FILIP1L: variants seen among roughly 807,000 people sequenced by gnomAD.
The protein encoded by FILIP1L is filamin A-interacting protein 1-like.
In FILIP1L, 55 loss-of-function variants were observed where a neutral mutation model predicts 96.6. The ratio of observed to expected loss-of-function variants is 0.57; its 90% CI spans 0.46 to 0.71. FILIP1L has a LOEUF of 0.71. FILIP1L is among the 30% of genes least tolerant of loss of function. The pLI is 0.00. For synonymous variants in FILIP1L, 467 were observed against 473.9 expected, an observed-to-expected ratio of 0.99 and a Z score of 0.19; for missense variants, 1,304 against 1,321.2, an observed-to-expected ratio of 0.99 and a Z score of 0.20.
At chr3:99,982,471 G>T (rs1346238792) in intron 1 of FILIP1L, among the ~76,000 whole-genome samples, 2 of 151,966 alleles carry the variant, frequency 1.3e-5, no homozygotes, top group Admixed American at 6.6e-5. Flanking sequence ...CTCCTGAATG[G>T]CTGGGACTAC....
chr3:99,880,793 TAAC>T (rs1181216562), intron 4 of FILIP1L, among the ~76,000 whole-genome samples: 1 of 152,200 alleles, frequency 6.6e-6, no homozygotes, highest in Non-Finnish European at 1.5e-5. Context: ...TGCCAACTAT[TAAC>T]AATTCAATGT....
At chr3:99,982,160 C>A (rs745843284) in intron 1 of FILIP1L, among the ~76,000 whole-genome samples, 4 of 151,730 alleles carry the variant, frequency 2.6e-5, no homozygotes, top group African/African-American at 7.3e-5. Context: ...CTATATATTT[C>A]GGTATATGTA....
intron 1 of FILIP1L, among the ~76,000 whole-genome samples, chr3:100,094,833 G>A (rs1420170851): frequency 6.6e-6 from 1 of 151,888 alleles, no homozygotes; most frequent in Non-Finnish European, 1.5e-5. Context: ...ACAGGCACCT[G>A]CCACCACACC....
intron 1 of FILIP1L, among the ~76,000 whole-genome samples, chr3:100,005,523 C>A (rs1709962866): frequency 6.6e-6 from 1 of 152,162 alleles, no homozygotes; most frequent in Non-Finnish European, 1.5e-5. Flanking sequence ...ATTTTAAGAA[C>A]CCTGGTTTAG....
intron 4 of FILIP1L, among the ~76,000 whole-genome samples, chr3:99,915,154 T>G (rs1706912304): frequency 6.6e-6 from 1 of 152,164 alleles, no homozygotes; most frequent in Admixed American, 6.5e-5. Flanking sequence ...CTCATCAAAA[T>G]GGGCTTGTCT....
rs199922409 is a variant in FILIP1L at position 99,930,849 on chromosome 3, T to A, written c.172A>T (p.Ser58Cys). Reference protein sequence around the residue: ...LPCPKAEKPHSGNGHQAEDLS... With the variant: ...LPCPKAEKPHCGNGHQAEDLS... ...TCTTCTGCTTGGTGGCCATTACCAC[T>A]GTGTGGCTTCTCTGCCTTGGGACAC... The change falls in exon 2 of 6, where the codon AGT becomes TGT. Residue 58 changes from serine (S) to cysteine (C), a missense_variant. Coordinates refer to ENST00000477258, the MANE Select transcript of FILIP1L (RefSeq NM_001387850.1). 11 of 1,613,076 alleles carry A rather than the reference T, an allele frequency of 6.8e-6. No homozygotes were observed. The highest frequency in any genetic ancestry group is 8.5e-6 in the Non-Finnish European group (10 of 1,179,754).
intron 3 of FILIP1L, among the ~76,000 whole-genome samples, chr3:99,928,113 A>T (rs1438923141): frequency 6.6e-6 from 1 of 152,246 alleles, no homozygotes; most frequent in African/African-American, 2.4e-5. Flanking sequence ...AGCATTCAAG[A>T]TGCTTATTCT....
Position 99,948,350 on chromosome 3 carries a change from A to T in FILIP1L, c.-10-17320T>A, listed in dbSNP as rs539313112. Among the ~76,000 whole-genome samples the T allele has an allele frequency of 1.3e-3, 205 of 152,112 alleles. 1 individual carries two copies. The highest frequency in any genetic ancestry group is 1.9e-3 in the Non-Finnish European group (126 of 68,004). On this transcript the variant is annotated intron_variant, in intron 1 of 5. Transcript: ENST00000477258. ...TCCAAAAAAATAAAAAAATTAAAAAATTTTTTAAAAATTAAGTAAAAATAA... is the reference window on the plus strand; with the variant it reads ...TCCAAAAAAATAAAAAAATTAAAAATTTTTTTAAAAATTAAGTAAAAATAA...
At chr3:100,007,337 G>A (rs999352310) in intron 1 of FILIP1L, among the ~76,000 whole-genome samples, 1 of 152,118 alleles carries the variant, frequency 6.6e-6, no homozygotes, top group South Asian at 2.1e-4. Context: ...AGTCCATGTA[G>A]AGGAGAGCTT....
chr3:100,070,438 A>G (rs375486791), intron 1 of FILIP1L, among the ~76,000 whole-genome samples: 1,832 of 112,666 alleles, frequency 0.016, 24 homozygotes, highest in African/African-American at 0.034. Context: ...TAGGACTTGA[A>G]TATTAAATAA....
At chr3:100,063,511 T>C (rs1220592324) in intron 1 of FILIP1L, among the ~76,000 whole-genome samples, 2 of 152,190 alleles carry the variant, frequency 1.3e-5, no homozygotes, top group Non-Finnish European at 2.9e-5. Flanking sequence ...AGAAAAACTT[T>C]ATAAATCAAA....
chr3:100,041,766 G>A (rs1167688107), intron 1 of FILIP1L, among the ~76,000 whole-genome samples: 1 of 152,150 alleles, frequency 6.6e-6, no homozygotes, highest in Non-Finnish European at 1.5e-5. Flanking sequence ...AGACCTACCA[G>A]AGATCTTTTA....
At chr3:99,857,517 AAT>A (rs571519128) in intron 4 of FILIP1L, among the ~76,000 whole-genome samples, 25 of 152,386 alleles carry the variant, frequency 1.6e-4, no homozygotes, top group African/African-American at 5.0e-4. Flanking sequence ...CTACTGGACA[AAT>A]ATGTTTGTTT....
chr3:99,988,733 T>G (rs151165859), intron 1 of FILIP1L, among the ~76,000 whole-genome samples: 2 of 152,334 alleles, frequency 1.3e-5, no homozygotes, highest in African/African-American at 2.4e-5. Context: ...AAAAGCATTG[T>G]CTGGATTGCC....
chr3:100,081,995 T>C (rs1304621969), intron 1 of FILIP1L, among the ~76,000 whole-genome samples: 1 of 152,200 alleles, frequency 6.6e-6, no homozygotes, highest in African/African-American at 2.4e-5. Context: ...ATTTAGACTT[T>C]AGGCTATCTG....
rs575473560 is a variant in FILIP1L at position 100,028,362 on chromosome 3, C to A, written c.-11+85691G>T. Among the ~76,000 whole-genome samples, 4 of 152,234 alleles carry A rather than the reference C, an allele frequency of 2.6e-5. No homozygotes were observed. The South Asian group carries it at 8.3e-4, about 32-fold the overall frequency. On this transcript the variant is annotated intron_variant, in intron 1 of 5. Transcript: ENST00000477258. ...ACTACTTTTGACTCTTCTTCCAGTACTGGATTCAAGATAAGCATTTAGGAG... is the reference window on the plus strand; with the variant it reads ...ACTACTTTTGACTCTTCTTCCAGTAATGGATTCAAGATAAGCATTTAGGAG...
chr3:99,909,981 A>ACAC lies in FILIP1L; in HGVS notation c.605+14248_605+14249insGTG, dbSNP rs1706742214. Among the ~76,000 whole-genome samples the ACAC allele has an allele frequency of 6.0e-5, 5 of 83,586 alleles. 1 individual carries two copies. The highest frequency in any genetic ancestry group is 1.3e-4 in the Non-Finnish European group (4 of 30,976). The allele number at this position is 83,586 out of a possible 152,430, so 54.8% of individuals were successfully genotyped here. A position where few individuals can be genotyped will look rare whatever the true frequency, so the allele number is the denominator to read the frequency against. On this transcript the variant is annotated intron_variant, in intron 4 of 5. Transcript: ENST00000477258. ...TGAGAAATTTCAGTTCTCGGGGCAA[A>ACAC]ATGTGTATTCAGAGCTGAAATTTTG...
intron 4 of FILIP1L, among the ~76,000 whole-genome samples, chr3:99,865,491 G>C (rs1944467420): frequency 6.6e-6 from 1 of 152,116 alleles, no homozygotes; most frequent in Admixed American, 6.6e-5. Flanking sequence ...TGGCTACTTT[G>C]AGCCTTGATC....
intron 1 of FILIP1L, among the ~76,000 whole-genome samples, chr3:100,034,251 G>A (rs2065069760): frequency 6.6e-6 from 1 of 152,150 alleles, no homozygotes; most frequent in Admixed American, 6.5e-5. Context: ...AGAATGGGGG[G>A]AAAAAGCTGC....
Sources: gnomAD v4.1 joint callset for allele counts (sites outside exome capture counted in the v4.1 genomes callset) on GRCh38, gnomAD v4.1.1 for gene constraint, MANE v1.5 for transcripts, NCBI Gene and HGNC (gene_info 2026-07-23, HGNC 2026-07-21) for gene names.